The following SKIL variants were observed in gnomAD, a reference collection of about 807,000 sequenced individuals.
SKIL encodes the protein ski-like protein.
A neutral mutation model predicts 69.6 loss-of-function variants in SKIL; 20 were observed. The ratio of observed to expected loss-of-function variants is 0.29; its 90% CI spans 0.20 to 0.42. The LOEUF (loss-of-function observed/expected upper bound fraction) is 0.42. SKIL is among the 10% of genes least tolerant of loss of function. The pLI is 1.00. For synonymous variants in SKIL, 310 were observed against 279.9 expected, an observed-to-expected ratio of 1.11 and a Z score of -1.08; for missense variants, 745 against 783.1, an observed-to-expected ratio of 0.95 and a Z score of 0.58.
In SKIL at chr3:170,360,886, AGT is replaced by A; in HGVS notation, c.561_562del (p.Cys187Ter). The A allele has an allele frequency of 6.2e-7, 1 of 1,614,214 alleles. No individual in the cohort carries two copies. Among genetic ancestry groups the A allele is most frequent in the Non-Finnish European group, 8.5e-7 (1 of 1,180,022 alleles). ...REFTLQQINT[V>X]CDELYIYCSR... Reference sequence around the variant, plus strand: ...AATTTACACTCCAGCAAATAAATACAGTGTGTGATGAACTGTACATATATTGT... The same window carrying A: ...AATTTACACTCCAGCAAATAAATACAGTGTGATGAACTGTACATATATTGT... On this transcript the variant is annotated frameshift_variant, in exon 2 of 7. Coordinates refer to ENST00000259119, the MANE Select transcript of SKIL (RefSeq NM_005414.5). LOFTEE classifies it high-confidence loss of function.
intron 2 of SKIL, among the ~76,000 whole-genome samples, chr3:170,376,968 A>G (rs991921265): frequency 3.3e-5 from 5 of 152,204 alleles, no homozygotes; most frequent in Admixed American, 1.3e-4. Flanking sequence ...GCCCCGGTCT[A>G]TGCTAAAGCC....
chr3:170,374,495 A>G (rs574821558), intron 2 of SKIL, among the ~76,000 whole-genome samples: 2 of 152,324 alleles, frequency 1.3e-5, no homozygotes, highest in Admixed American at 6.5e-5. Flanking sequence ...AATGATTCCT[A>G]TGTTGAAAGG....
At chr3:170,380,675 A>C (rs1560216412) in intron 2 of SKIL, among the ~76,000 whole-genome samples, 2 of 152,012 alleles carry the variant, frequency 1.3e-5, no homozygotes, top group African/African-American at 4.8e-5. Flanking sequence ...AATAAAATAG[A>C]TTTCGTAAGT....
chr3:170,375,367 G>A (rs1009362068), intron 2 of SKIL, among the ~76,000 whole-genome samples: 1 of 152,180 alleles, frequency 6.6e-6, no homozygotes, highest in African/African-American at 2.4e-5. Flanking sequence ...ATAGATGCTA[G>A]GTTTGGCTCA....
At chr3:170,377,754 C>A in intron 2 of SKIL, among the ~76,000 whole-genome samples, 1 of 150,450 alleles carries the variant, frequency 6.6e-6, no homozygotes, top group East Asian at 2.0e-4. Flanking sequence ...CGGGGTTTCA[C>A]CATCTTGGCC....
intron 4 of SKIL, among the ~76,000 whole-genome samples, chr3:170,389,458 C>T (rs558032759): frequency 3.9e-4 from 59 of 151,426 alleles, no homozygotes; most frequent in Non-Finnish European, 6.3e-4. Flanking sequence ...GGACTACAGG[C>T]GCCCGCCACC....
intron 2 of SKIL, among the ~76,000 whole-genome samples, chr3:170,366,602 G>A (rs1467492955): frequency 6.6e-6 from 1 of 151,982 alleles, no homozygotes; most frequent in East Asian, 1.9e-4. Flanking sequence ...GAACCCAGGA[G>A]GTGGAGGTTT....
intron 4 of SKIL, among the ~76,000 whole-genome samples, chr3:170,388,532 A>C (rs1737760790): frequency 6.6e-6 from 1 of 151,990 alleles, no homozygotes. Flanking sequence ...TCCTGGGCTT[A>C]ATCCATCCTT....
rs200162917 is a variant in SKIL at position 170,384,547 on chromosome 3, T to G, written c.1211T>G (p.Met404Arg). 1.9e-6 allele frequency: 3 copies of G among 1,570,852 alleles called. No individual in the cohort carries two copies. The highest frequency in any genetic ancestry group is 2.6e-6 in the Non-Finnish European group (3 of 1,143,836). Residue 404 changes from methionine to arginine, a missense_variant, in exon 4 of 7, where the codon ATG (methionine) becomes AGG (arginine). Physicochemically the swap from Met to Arg is moderately conservative, Grantham distance 91 (BLOSUM62 -1). Coordinates refer to ENST00000259119, the MANE Select transcript of SKIL (RefSeq NM_005414.5). ...SFLHPSYYLY[M>R]CDKVVAPNVS... ...CTTGTTTTCAGCTACTACTTATACA[T>G]GTGTGATAAAGTGGTTGCCCCAAAT...
chr3:170,377,316 C>CA (rs947658427), intron 2 of SKIL, among the ~76,000 whole-genome samples: 28 of 150,394 alleles, frequency 1.9e-4, no homozygotes, highest in African/African-American at 6.6e-4. Context: ...CAGCTCACTG[C>CA]AACCTCTGTT....
intron 2 of SKIL, among the ~76,000 whole-genome samples, chr3:170,373,919 T>C (rs1171984404): frequency 6.6e-6 from 1 of 152,200 alleles, no homozygotes; most frequent in African/African-American, 2.4e-5. Flanking sequence ...AAGGGTTTTT[T>C]TTGGTACAAA....
At chr3:170,371,617 T>C (rs1304267420) in intron 2 of SKIL, among the ~76,000 whole-genome samples, 1 of 152,242 alleles carries the variant, frequency 6.6e-6, no homozygotes, top group African/African-American at 2.4e-5. Context: ...TTGTCATTCA[T>C]GTAGCCATCT....
Position 170,392,335 on chromosome 3 carries a change from G to T in SKIL, c.1973G>T (p.Arg658Leu). 6.2e-7 allele frequency: 1 copy of T among 1,612,970 alleles called. No homozygotes were observed. Among genetic ancestry groups the T allele is most frequent in the Middle Eastern group, 1.7e-4 (1 of 6,058 alleles). ...CTCCAAGATGAACTCAGACAGGAAC[G>T]GGAAGCAAGACAGAAGTTAGAGATG... ...QELQDELRQE[R>L]EARQKLEMMI... The change falls in exon 7 of 7, where the codon CGG becomes CTG. Residue 658 changes from arginine to leucine, a missense_variant. Arg to Leu is a moderately radical substitution (Grantham distance 102). Coordinates refer to ENST00000259119, the MANE Select transcript of SKIL (RefSeq NM_005414.5).
intron 4 of SKIL, among the ~76,000 whole-genome samples, chr3:170,389,861 G>C (rs1577447388): frequency 6.6e-6 from 1 of 152,034 alleles, no homozygotes; most frequent in Non-Finnish European, 1.5e-5. Context: ...TGGGTTTGTT[G>C]CATTTCCATA....
intron 3 of SKIL, among the ~76,000 whole-genome samples, chr3:170,383,738 G>A (rs1737476192): frequency 6.6e-6 from 1 of 152,150 alleles, no homozygotes; most frequent in African/African-American, 2.4e-5. Context: ...AGGTATATAA[G>A]AAGAGCCCTG....
chr3:170,361,940 C>A (rs1736262038), intron 2 of SKIL, among the ~76,000 whole-genome samples: 1 of 152,058 alleles, frequency 6.6e-6, no homozygotes, highest in Non-Finnish European at 1.5e-5. Flanking sequence ...ACCACTACAT[C>A]TGTTGTTTTT....
At chr3:170,368,368 C>T (rs984347386) in intron 2 of SKIL, among the ~76,000 whole-genome samples, 2 of 152,098 alleles carry the variant, frequency 1.3e-5, no homozygotes, top group South Asian at 4.1e-4. Context: ...GAACCGAGTT[C>T]AAAGCCTGGC....
chr3:170,387,902 C>G (rs1251066422), intron 4 of SKIL, among the ~76,000 whole-genome samples: 7 of 120,914 alleles, frequency 5.8e-5, no homozygotes, highest in African/African-American at 2.2e-4. Flanking sequence ...CCACTGCACT[C>G]CAGCCTGGGC....
intron 2 of SKIL, among the ~76,000 whole-genome samples, chr3:170,378,674 C>T (rs1737166954): frequency 1.3e-5 from 2 of 150,628 alleles, no homozygotes; most frequent in African/African-American, 4.9e-5. Flanking sequence ...GCCTCGGCCA[C>T]CCAAGTAGGT....
Sources: gnomAD v4.1 joint callset for allele counts (sites outside exome capture counted in the v4.1 genomes callset) on GRCh38, gnomAD v4.1.1 for gene constraint, MANE v1.5 for transcripts, NCBI Gene and HGNC (gene_info 2026-07-23, HGNC 2026-07-21) for gene names.